CTDSPL2: variants seen among roughly 807,000 people sequenced by gnomAD.
CTDSPL2 encodes the protein CTD small phosphatase-like protein 2.
In CTDSPL2, 5 loss-of-function variants were observed where a neutral mutation model predicts 60.0. The observed-to-expected ratio is 0.08, with a 90% CI of 0.04 to 0.18. The LOEUF (loss-of-function observed/expected upper bound fraction) is 0.18. Among genes scored for constraint, CTDSPL2 ranks in the 10% least tolerant of loss-of-function variants. The pLI, the probability that CTDSPL2 is intolerant of heterozygous loss-of-function variation, is 1.00. For missense variants in CTDSPL2, 370 were observed against 548.8 expected, an observed-to-expected ratio of 0.67 and a Z score of 3.26; for synonymous variants, 186 against 189.3, an observed-to-expected ratio of 0.98 and a Z score of 0.14.
chr15:44,442,097 A>C (rs2080100705), intron 1 of CTDSPL2, among the ~76,000 whole-genome samples: 1 of 152,080 alleles, frequency 6.6e-6, no homozygotes, highest in Non-Finnish European at 1.5e-5. Context: ...ATCTTTTCCC[A>C]GTCTCCTCTC....
At chr15:44,448,021 C>T (rs1001513074) in intron 1 of CTDSPL2, 2 of 232,302 alleles carry the variant, frequency 8.6e-6, no homozygotes, top group South Asian at 1.1e-4. Context: ...CACCCCAGTT[C>T]CATCCGGATG....
At chr15:44,485,861 G>C (rs2081109798) in intron 3 of CTDSPL2, among the ~76,000 whole-genome samples, 1 of 151,962 alleles carries the variant, frequency 6.6e-6, no homozygotes, top group East Asian at 1.9e-4. Context: ...AAAGAAACAA[G>C]TTAAAAGAAC....
At chr15:44,497,311 CTTATTT>C (rs2081316374) in intron 7 of CTDSPL2, among the ~76,000 whole-genome samples, 173 bp downstream of exon 7, 1 of 152,080 alleles carries the variant, frequency 6.6e-6, no homozygotes, top group Non-Finnish European at 1.5e-5. Context: ...TTTTCTTATT[CTTATTT>C]TTACATATAT....
rs775137594 is a variant in CTDSPL2, at chr15:44,526,400, T to C, written c.*2226T>C. The C allele has an allele frequency of 5.3e-5, 8 of 152,278 alleles. No homozygotes were observed. The highest frequency in any genetic ancestry group is 3.9e-4 in the East Asian group (2 of 5,182). 9.4% of individuals were successfully genotyped at this position (152,278 alleles called of 1,614,324 possible). A position where few individuals can be genotyped will look rare whatever the true frequency, so the allele number is the denominator to read the frequency against. On this transcript the variant is annotated 3_prime_UTR_variant, in exon 13 of 13. Transcript: ENST00000260327. The stretch of plus-strand genomic sequence containing the variant: ...ACTCTTGTGCCTGTGGGCACTTCAA[T>C]AATAAAAACCAACTTTTTAAACTAA...
rs1177860940 is a variant in CTDSPL2 at position 44,460,713 on chromosome 15, TTTTG to T, written c.186+1521_186+1524del. Among the ~76,000 whole-genome samples, 3 of 152,254 alleles carry T rather than the reference TTTTG, an allele frequency of 2.0e-5. No homozygotes were observed. In the East Asian group the frequency reaches 5.8e-4, roughly 29 times the overall value. ...TTGTTTTGGTGGTTTTATTTTTTGT[TTTTG>T]TTTGTTTCTAATACTATAATTTCTT... On this transcript the variant is annotated intron_variant, in intron 2 of 12. Coordinates refer to ENST00000260327, the MANE Select transcript of CTDSPL2 (RefSeq NM_016396.3).
chr15:44,459,615 A>G (rs1447496873), intron 2 of CTDSPL2, among the ~76,000 whole-genome samples: 1 of 152,200 alleles, frequency 6.6e-6, no homozygotes, highest in Non-Finnish European at 1.5e-5. Flanking sequence ...TTTGGTGTTA[A>G]TTTTACTTCT....
At chr15:44,499,613 G>A (rs2081355917) in intron 7 of CTDSPL2, 114 bp from the exon 8 acceptor site, 1 of 605,988 alleles carries the variant, frequency 1.7e-6, no homozygotes, top group African/African-American at 1.9e-5. Flanking sequence ...TATTATAAAT[G>A]TAAAATTCAA....
intron 1 of CTDSPL2, among the ~76,000 whole-genome samples, chr15:44,443,358 G>C (rs193002387): frequency 6.6e-6 from 1 of 152,276 alleles, no homozygotes; most frequent in Non-Finnish European, 1.5e-5. Flanking sequence ...GAAAAATGCT[G>C]CTATGAATAT....
chr15:44,509,812 G>T (rs975306459), intron 8 of CTDSPL2, among the ~76,000 whole-genome samples: 3 of 151,418 alleles, frequency 2.0e-5, no homozygotes, highest in African/African-American at 7.3e-5. Flanking sequence ...TATAGCCCCA[G>T]CTACTTGGGA....
At chr15:44,501,356 A>G (rs995585180) in intron 8 of CTDSPL2, among the ~76,000 whole-genome samples, 1 of 152,072 alleles carries the variant, frequency 6.6e-6, no homozygotes, top group African/African-American at 2.4e-5. Flanking sequence ...TGTTTATGTA[A>G]TTCTTAGTAG....
chr15:44,470,228 A>G (rs2080778350), intron 2 of CTDSPL2, among the ~76,000 whole-genome samples: 2 of 150,638 alleles, frequency 1.3e-5, no homozygotes, highest in Non-Finnish European at 2.9e-5. Context: ...CTACTTCATT[A>G]TCTGTCAATA....
chr15:44,502,611 C>T (rs1226835548), intron 8 of CTDSPL2, among the ~76,000 whole-genome samples: 2 of 152,106 alleles, frequency 1.3e-5, no homozygotes, highest in African/African-American at 4.8e-5. Context: ...CCCAGTACAA[C>T]GTTATATACA....
chr15:44,447,947 C>G (rs367959837), intron 1 of CTDSPL2: 1 of 177,762 alleles, frequency 5.6e-6, no homozygotes, highest in East Asian at 1.7e-4. Context: ...GTGTCTGGCC[C>G]ATGACGGGAC....
intron 2 of CTDSPL2, among the ~76,000 whole-genome samples, chr15:44,476,575 G>GA (rs1567081928): frequency 6.6e-6 from 1 of 152,052 alleles, no homozygotes; most frequent in Non-Finnish European, 1.5e-5. Context: ...GTCCAATAAG[G>GA]TTATAATACC....
At chr15:44,480,910 G>A (rs2081015375) in intron 2 of CTDSPL2, among the ~76,000 whole-genome samples, 1 of 152,142 alleles carries the variant, frequency 6.6e-6, no homozygotes, top group Non-Finnish European at 1.5e-5. Flanking sequence ...AGCTTATATA[G>A]TAATGTAGAA....
chr15:44,477,461 G>A (rs927651160), intron 2 of CTDSPL2, among the ~76,000 whole-genome samples: 38 of 152,062 alleles, frequency 2.5e-4, no homozygotes, highest in African/African-American at 8.9e-4. Flanking sequence ...CTTGAGCCTG[G>A]GAGGTCAGGG....
intron 8 of CTDSPL2, chr15:44,503,426 T>A (rs1468340442): frequency 6.6e-6 from 1 of 152,190 alleles, no homozygotes; most frequent in Non-Finnish European, 1.5e-5. Flanking sequence ...GTATTTAGTT[T>A]CTGTTCCTGC....
intron 11 of CTDSPL2, chr15:44,520,890 G>A (rs994734000): frequency 6.6e-6 from 1 of 152,326 alleles, no homozygotes; most frequent in Non-Finnish European, 1.5e-5. Flanking sequence ...GGGAGATATG[G>A]TCACTGTATT....
chr15:44,442,613 G>T (rs991116530), intron 1 of CTDSPL2, among the ~76,000 whole-genome samples: 1 of 151,780 alleles, frequency 6.6e-6, no homozygotes, highest in Middle Eastern at 3.2e-3. Flanking sequence ...ATTTTACTTG[G>T]TCCCTTTTTC....
Sources: gnomAD v4.1 joint callset for allele counts (sites outside exome capture counted in the v4.1 genomes callset) on GRCh38, gnomAD v4.1.1 for gene constraint, MANE v1.5 for transcripts, NCBI Gene and HGNC (gene_info 2026-07-23, HGNC 2026-07-21) for gene names.